The following ENTREP2 variants were observed in gnomAD, a reference collection of about 807,000 sequenced individuals.
ENTREP2 encodes endosomal transmembrane epsin interactor 2.
the ENTREP2 span, among the ~76,000 whole-genome samples, chr15:29,255,824 A>AC: frequency 6.6e-6 from 1 of 151,938 alleles, no homozygotes; most frequent in Admixed American, 6.6e-5. Flanking sequence ...ACACGGTGAA[A>AC]CCCTGTCTCT....
chr15:29,615,548 C>T, the ENTREP2 span, among the ~76,000 whole-genome samples: 1 of 152,260 alleles, frequency 6.6e-6, no homozygotes, highest in African/African-American at 2.4e-5. Flanking sequence ...TAGAAATGCC[C>T]TCTCCATTCC....
Sources: gnomAD v4.1 joint callset for allele counts (sites outside exome capture counted in the v4.1 genomes callset) on GRCh38, gnomAD v4.1.1 for gene constraint, MANE v1.5 for transcripts, NCBI Gene and HGNC (gene_info 2026-07-23, HGNC 2026-07-21) for gene names.